OBI1: variants seen among roughly 807,000 people sequenced by gnomAD.
The protein encoded by OBI1 is ring finger protein 219.
A neutral mutation model predicts 62.4 loss-of-function variants in OBI1; 59 were observed. The ratio of observed to expected loss-of-function variants is 0.95; its 90% CI spans 0.77 to 1.17. The LOEUF (loss-of-function observed/expected upper bound fraction) is 1.17. OBI1 is among the 50% of genes most tolerant of loss of function. The probability of loss-of-function intolerance (pLI) is 0.00; values close to 1 mark genes in which losing one functional copy is unlikely to be tolerated. For synonymous variants in OBI1, 302 were observed against 292.8 expected (o/e 1.03, Z -0.32); for missense variants, 875 against 830.9 (o/e 1.05, Z -0.65).
rs1418084330 is a variant in OBI1, at chr13:78,616,630, G to A, written c.1131C>T (p.Pro377=). The change falls in exon 6 of 6, where the codon CCC becomes CCT. Residue 377 remains proline (P), a synonymous_variant. Transcript: ENST00000282003. The part of the protein sequence containing the change: ...EWGNKPSDCV[P]YKDEELYDLP... The stretch of plus-strand genomic sequence containing the variant: ...GATCATAAAGTTCTTCATCTTTGTA[G>A]GGTACACAGTCACTTGGTTTATTCC... 2 of 1,614,122 alleles carry A rather than the reference G, an allele frequency of 1.2e-6. No individual in the cohort carries two copies. Among genetic ancestry groups the A allele is most frequent in the African/African-American group, 2.7e-5 (2 of 75,048 alleles).
At chr13:78,633,123 G>A (rs1202793733) in intron 5 of OBI1, among the ~76,000 whole-genome samples, 1 of 152,156 alleles carries the variant, frequency 6.6e-6, no homozygotes, top group Non-Finnish European at 1.5e-5. Flanking sequence ...CATGCTGTGG[G>A]AAACGGCTAA....
At chr13:78,646,230 A>G (rs1273461632) in intron 1 of OBI1, among the ~76,000 whole-genome samples, 2 of 152,148 alleles carry the variant, frequency 1.3e-5, no homozygotes, top group African/African-American at 4.8e-5. Flanking sequence ...GTGTTTACAT[A>G]TTTATTGTCT....
At chr13:78,650,366 G>A (rs1876511812) in intron 1 of OBI1, among the ~76,000 whole-genome samples, 1 of 152,234 alleles carries the variant, frequency 6.6e-6, no homozygotes, top group Non-Finnish European at 1.5e-5. Flanking sequence ...AGAGTGGGAT[G>A]CTTATAGTCA....
chr13:78,643,045 C>T (rs1876267107), intron 2 of OBI1, among the ~76,000 whole-genome samples: 1 of 152,206 alleles, frequency 6.6e-6, no homozygotes, highest in African/African-American at 2.4e-5. Context: ...TTCCTGAGAG[C>T]TCTTCACTGA....
rs976409668 is a variant in OBI1 at position 78,615,789 on chromosome 13, T to G, written c.1972A>C (p.Ser658Arg). 3.1e-6 allele frequency: 5 copies of G among 1,613,820 alleles called. No homozygotes were observed. Among genetic ancestry groups the G allele is most frequent in the Non-Finnish European group, 4.2e-6 (5 of 1,179,938 alleles). ...TGATCTTCAAATAGTCGATGTGAAC[T>G]GCTTAACAAAATGCCCTGGGAAAAC... ...TEFSQGILLS[S>R]SHRLFEDQRF... Residue 658 changes from serine to arginine, a missense_variant, in exon 6 of 6, where the codon AGT becomes CGT. Coordinates refer to ENST00000282003, the MANE Select transcript of OBI1 (RefSeq NM_024546.4).
In OBI1 at chr13:78,638,926, G is replaced by A; in HGVS notation, c.446C>T (p.Pro149Leu). 6.2e-7 allele frequency: 1 copy of A among 1,613,838 alleles called. No homozygotes were observed. The highest frequency in any genetic ancestry group is 1.7e-4 in the Middle Eastern group (1 of 6,060). ...TACAGTTTCTGGGTTAATTTTACTT[G>A]GATTATCTGTGACTAGATGTTTGTC... ...NEDKHLVTDN[P>L]SKINPETVAE... The change falls in exon 4 of 6, where the codon CCA becomes CTA. Residue 149 changes from proline (P) to leucine (L), a missense_variant. Coordinates refer to ENST00000282003, the MANE Select transcript of OBI1 (RefSeq NM_024546.4).
chr13:78,634,024 C>T (rs1175260252), intron 5 of OBI1, among the ~76,000 whole-genome samples: 4 of 150,658 alleles, frequency 2.7e-5, no homozygotes, highest in Non-Finnish European at 4.4e-5. Flanking sequence ...GCCGAGATCG[C>T]GCCACTGCAC....
chr13:78,637,027 G>T (rs974178637), intron 4 of OBI1, among the ~76,000 whole-genome samples: 11 of 152,210 alleles, frequency 7.2e-5, no homozygotes, highest in Non-Finnish European at 1.3e-4. Context: ...GAAGGGCAGA[G>T]TTCTGCCTAC....
chr13:78,638,905 G>C lies in OBI1; in HGVS notation c.467C>G (p.Thr156Ser). The C allele has an allele frequency of 6.2e-7, 1 of 1,613,892 alleles. No homozygotes were observed. The highest frequency in any genetic ancestry group is 8.5e-7 in the Non-Finnish European group (1 of 1,179,924). The change falls in exon 4 of 6, where the codon ACT (threonine) becomes AGT (serine). Residue 156 changes from threonine to serine, a missense_variant. Thr to Ser is a moderately conservative substitution (Grantham distance 58). Transcript: ENST00000282003. ...GAGTTTTTTCTTCCACTCTGCTACAGTTTCTGGGTTAATTTTACTTGGATT... is the reference window on the plus strand; with the variant it reads ...GAGTTTTTTCTTCCACTCTGCTACACTTTCTGGGTTAATTTTACTTGGATT... ...TDNPSKINPE[T>S]VAEWKKKLRT...
intron 4 of OBI1, among the ~76,000 whole-genome samples, chr13:78,637,098 T>C (rs1039759693): frequency 2.0e-5 from 3 of 152,230 alleles, no homozygotes; most frequent in African/African-American, 4.8e-5. Flanking sequence ...TCAACACTGA[T>C]TGGGTAATGA....
At chr13:78,617,871 A>T (rs1875366011) in intron 5 of OBI1, among the ~76,000 whole-genome samples, 1 of 152,284 alleles carries the variant, frequency 6.6e-6, no homozygotes, top group South Asian at 2.1e-4. Context: ...TCTGAAAGAG[A>T]ACATTTTGGA....
intron 5 of OBI1, among the ~76,000 whole-genome samples, chr13:78,621,273 C>T (rs1040718901): frequency 1.1e-4 from 17 of 152,142 alleles, no homozygotes; most frequent in African/African-American, 4.1e-4. Flanking sequence ...TTTCAGTTAC[C>T]ACACCATTAT....
chr13:78,640,005 CAAAA>C (rs1203182333), intron 3 of OBI1, among the ~76,000 whole-genome samples: 1 of 151,552 alleles, frequency 6.6e-6, no homozygotes, highest in African/African-American at 2.4e-5. Context: ...AAAACAAAAA[CAAAA>C]ACAAAAACAA....
At chr13:78,642,349 C>T (rs1876244611) in intron 2 of OBI1, 136 bp from the exon 3 acceptor site, 1 of 549,024 alleles carries the variant, frequency 1.8e-6, no homozygotes, top group Non-Finnish European at 3.2e-6. Flanking sequence ...TTGGGGCTTA[C>T]ATCTAGGCCT....
intron 1 of OBI1, among the ~76,000 whole-genome samples, chr13:78,653,196 A>G (rs1876594597): frequency 6.6e-6 from 1 of 152,174 alleles, no homozygotes; most frequent in Non-Finnish European, 1.5e-5. Flanking sequence ...GACATTACTA[A>G]CATTTTGGAC....
chr13:78,617,429 C>A (rs1875349128), intron 5 of OBI1: 1 of 252,192 alleles, frequency 4.0e-6, no homozygotes, highest in African/African-American at 2.2e-5. Context: ...ATCAATTCAG[C>A]TCATATATGC....
At chr13:78,622,367 G>A (rs1237220860) in intron 5 of OBI1, among the ~76,000 whole-genome samples, 1 of 152,168 alleles carries the variant, frequency 6.6e-6, no homozygotes, top group Non-Finnish European at 1.5e-5. Flanking sequence ...GCTTGAGCCT[G>A]GGAAATCAAG....
chr13:78,656,792 ATTTTTTT>A (rs869148028), intron 1 of OBI1, among the ~76,000 whole-genome samples: 1 of 67,196 alleles, frequency 1.5e-5, no homozygotes, highest in East Asian at 3.4e-4. Flanking sequence ...TTTATTTTTA[ATTTTTTT>A]TTTTTTTTTT....
intron 1 of OBI1, among the ~76,000 whole-genome samples, chr13:78,650,869 C>A (rs1876523087): frequency 6.6e-6 from 1 of 152,046 alleles, no homozygotes; most frequent in Non-Finnish European, 1.5e-5. Context: ...TCCTGCACAC[C>A]CTCCCACCTA....
Sources: allele counts gnomAD v4.1 joint callset (sites outside exome capture counted in the v4.1 genomes callset), GRCh38; gene constraint gnomAD v4.1.1; transcripts MANE v1.5; gene names NCBI Gene and HGNC (gene_info 2026-07-23, HGNC 2026-07-21).